CPA6: variants seen among roughly 807,000 people sequenced by gnomAD.
CPA6 encodes carboxypeptidase B.
In CPA6, 58 loss-of-function variants were observed where a neutral mutation model predicts 63.3. That is an observed-to-expected ratio of 0.92 (90% CI 0.74 to 1.14). The LOEUF is 1.14. Among genes scored for constraint, CPA6 ranks in the 50% most tolerant of loss-of-function variants. The probability of loss-of-function intolerance (pLI) is 0.00; values close to 1 mark genes in which losing one functional copy is unlikely to be tolerated. For synonymous variants in CPA6, 185 were observed against 179.0 expected, an observed-to-expected ratio of 1.03 and a Z score of -0.27; for missense variants, 565 against 526.6, an observed-to-expected ratio of 1.07 and a Z score of -0.71.
At chr8:67,684,698 C>T (rs1816674649) in intron 1 of CPA6, among the ~76,000 whole-genome samples, 1 of 152,158 alleles carries the variant, frequency 6.6e-6, no homozygotes. Flanking sequence ...CTCTGCTTGG[C>T]CAAAGTTTAG....
chr8:67,511,443 TCTCCC>T, intron 4 of CPA6, 93 bp downstream of exon 4: 8 of 710,510 alleles, frequency 1.1e-5, no homozygotes, highest in Non-Finnish European at 1.7e-5. Flanking sequence ...TCTTTATGCT[TCTCCC>T]CTAGAAGCAT....
chr8:67,670,160 C>G (rs566113291), intron 1 of CPA6, among the ~76,000 whole-genome samples: 43 of 152,250 alleles, frequency 2.8e-4, no homozygotes, highest in African/African-American at 1.0e-3. Flanking sequence ...TAAAGAAATA[C>G]GTGAGACTGT....
intron 10 of CPA6, 42 bp from the exon 11 acceptor site, chr8:67,422,733 G>C (rs1554661011): frequency 1.3e-6 from 2 of 1,490,968 alleles, no homozygotes; most frequent in East Asian, 4.5e-5. Flanking sequence ...CCTCACTAAA[G>C]AGTCAGTATA....
At chr8:67,453,340 G>T (rs1461848156) in intron 8 of CPA6, among the ~76,000 whole-genome samples, 1 of 152,122 alleles carries the variant, frequency 6.6e-6, no homozygotes, top group Non-Finnish European at 1.5e-5. Context: ...TTGATCCATG[G>T]GTTTAAGGCC....
At chr8:67,729,587 G>T (rs1260944325) in intron 1 of CPA6, among the ~76,000 whole-genome samples, 1 of 152,182 alleles carries the variant, frequency 6.6e-6, no homozygotes, top group Non-Finnish European at 1.5e-5. Context: ...GTACAAAATA[G>T]TTAGTGCTAC....
chr8:67,539,423 C>G (rs1421779274), intron 2 of CPA6, among the ~76,000 whole-genome samples: 1 of 152,168 alleles, frequency 6.6e-6, no homozygotes, highest in Non-Finnish European at 1.5e-5. Context: ...TCTGGCTGCC[C>G]TTAACATTTT....
chr8:67,712,620 G>T (rs1817286032), intron 1 of CPA6, among the ~76,000 whole-genome samples: 1 of 152,064 alleles, frequency 6.6e-6, no homozygotes, highest in African/African-American at 2.4e-5. Context: ...GCCCACATGT[G>T]GGGACAGAGA....
At chr8:67,613,162 C>T (rs998091712) in intron 2 of CPA6, among the ~76,000 whole-genome samples, 3 of 152,356 alleles carry the variant, frequency 2.0e-5, no homozygotes, top group Admixed American at 6.5e-5. Context: ...TCCCCTACCT[C>T]ATACCCTTGC....
intron 1 of CPA6, among the ~76,000 whole-genome samples, chr8:67,663,106 C>A (rs368990617): frequency 2.4e-4 from 37 of 152,160 alleles, no homozygotes; most frequent in African/African-American, 8.4e-4. Flanking sequence ...GAAGAGTTCT[C>A]TATTCAGGAC....
intron 1 of CPA6, among the ~76,000 whole-genome samples, chr8:67,653,859 TATG>T (rs1467978140): frequency 3.9e-5 from 6 of 152,018 alleles, no homozygotes; most frequent in African/African-American, 1.5e-4. Flanking sequence ...GCCCATTCAG[TATG>T]ATATTGGCTG....
intron 1 of CPA6, among the ~76,000 whole-genome samples, chr8:67,717,560 C>T (rs1213766752): frequency 3.3e-5 from 5 of 152,178 alleles, no homozygotes. Flanking sequence ...CATCTTGCTG[C>T]TTTATGATTT....
At chr8:67,524,613 C>CTTTTT (rs71554611) in intron 2 of CPA6, among the ~76,000 whole-genome samples, 2,849 of 149,672 alleles carry the variant, frequency 0.019, 100 homozygotes, top group African/African-American at 0.065. Flanking sequence ...TTTGAAAAAA[C>CTTTTT]TTTTTTTGTT....
At chr8:67,586,820 T>C (rs973181591) in intron 2 of CPA6, among the ~76,000 whole-genome samples, 3 of 152,136 alleles carry the variant, frequency 2.0e-5, no homozygotes, top group African/African-American at 7.2e-5. Flanking sequence ...GTTGGATGAG[T>C]TATCATTGAG....
In CPA6 at chr8:67,597,798, T is replaced by G. The variant is rs141134718; in HGVS notation, c.192+26378A>C. Among the ~76,000 whole-genome samples the G allele has an allele frequency of 1.2e-4, 18 of 152,368 alleles. No homozygotes were observed. The East Asian group carries it at 2.5e-3, about 21-fold the overall frequency. ...TTAAATGCTGTACAATGTCTCTAACTCTACTCTTTGGAACCAGGTGGATTG... is the reference window on the plus strand; with the variant it reads ...TTAAATGCTGTACAATGTCTCTAACGCTACTCTTTGGAACCAGGTGGATTG... On this transcript the variant is annotated intron_variant, in intron 2 of 10. Coordinates refer to ENST00000297770, the MANE Select transcript of CPA6 (RefSeq NM_020361.5).
At chr8:67,737,226 C>T (rs1330573724) in intron 1 of CPA6, among the ~76,000 whole-genome samples, 1 of 152,120 alleles carries the variant, frequency 6.6e-6, no homozygotes, top group Non-Finnish European at 1.5e-5. Flanking sequence ...AGAAAGATGC[C>T]TTCTGTTATA....
At chr8:67,465,043 A>G (rs1380537364) in intron 8 of CPA6, among the ~76,000 whole-genome samples, 1 of 152,160 alleles carries the variant, frequency 6.6e-6, no homozygotes, top group African/African-American at 2.4e-5. Context: ...TAAATCTGTG[A>G]AAAATGATGT....
chr8:67,542,086 A>C (rs1437617798), intron 2 of CPA6, among the ~76,000 whole-genome samples: 1 of 152,218 alleles, frequency 6.6e-6, no homozygotes, highest in Admixed American at 6.5e-5. Flanking sequence ...GTATCTCAAC[A>C]AAGTTAAGAT....
At chr8:67,438,903 TA>T in intron 8 of CPA6, among the ~76,000 whole-genome samples, 2 of 152,068 alleles carry the variant, frequency 1.3e-5, no homozygotes, top group Middle Eastern at 3.4e-3. Flanking sequence ...AAGTTAGGAA[TA>T]ACCACCAGAA....
intron 1 of CPA6, among the ~76,000 whole-genome samples, chr8:67,685,704 A>G (rs1816697113): frequency 6.6e-6 from 1 of 152,240 alleles, no homozygotes; most frequent in Non-Finnish European, 1.5e-5. Flanking sequence ...AAAAATTCAC[A>G]GTTGTCATTC....
Sources: allele counts gnomAD v4.1 joint callset (sites outside exome capture counted in the v4.1 genomes callset), GRCh38; gene constraint gnomAD v4.1.1; transcripts MANE v1.5; gene names NCBI Gene and HGNC (gene_info 2026-07-23, HGNC 2026-07-21).